SERGEF: variants seen among roughly 807,000 people sequenced by gnomAD.
The protein encoded by SERGEF is secretion regulating guanine nucleotide exchange factor, also known as secretion-regulating guanine nucleotide exchange factor.
Under a neutral mutation model 50.0 loss-of-function variants are expected in SERGEF, and 51 were observed. That is an observed-to-expected ratio of 1.02 (90% confidence interval 0.81 to 1.29). The LOEUF (loss-of-function observed/expected upper bound fraction) is 1.29, where lower values mean the gene tolerates loss of function less well. SERGEF is among the 50% of genes most tolerant of loss of function. The pLI, the probability that SERGEF is intolerant of heterozygous loss-of-function variation, is 0.00. For missense variants in SERGEF, 521 were observed against 557.0 expected (o/e 0.94, Z 0.65); for synonymous variants, 205 against 212.4 (o/e 0.97, Z 0.30).
At chr11:17,866,516 T>G (rs963975613) in intron 10 of SERGEF, among the ~76,000 whole-genome samples, 1 of 152,100 alleles carries the variant, frequency 6.6e-6, no homozygotes, top group African/African-American at 2.4e-5. Context: ...ATCCCCCCTT[T>G]TTGAGAGAGA....
chr11:17,951,847 G>A (rs190114712), intron 9 of SERGEF, among the ~76,000 whole-genome samples: 4 of 152,168 alleles, frequency 2.6e-5, no homozygotes, highest in Non-Finnish European at 5.9e-5. Flanking sequence ...TGCCCTTCCC[G>A]CCACTCAGGG....
At chr11:17,899,465 T>A (rs1851704536) in intron 9 of SERGEF, among the ~76,000 whole-genome samples, 2 of 152,198 alleles carry the variant, frequency 1.3e-5, no homozygotes, top group African/African-American at 4.8e-5. Flanking sequence ...ATAATAAAAC[T>A]AAGGCTTAGA....
chr11:17,851,895 C>G (rs1214020988), intron 10 of SERGEF, among the ~76,000 whole-genome samples: 1 of 152,164 alleles, frequency 6.6e-6, no homozygotes, highest in Non-Finnish European at 1.5e-5. Flanking sequence ...TGAAGGGACA[C>G]AAGGAAGAAC....
chr11:17,847,629 G>T (rs1377518226), intron 10 of SERGEF, among the ~76,000 whole-genome samples: 2 of 152,190 alleles, frequency 1.3e-5, no homozygotes, highest in Non-Finnish European at 1.5e-5. Flanking sequence ...CCATTGTATG[G>T]CCTGTTGCTC....
intron 8 of SERGEF, among the ~76,000 whole-genome samples, chr11:17,962,126 C>T (rs1396040497): frequency 6.6e-6 from 1 of 152,200 alleles, no homozygotes; most frequent in African/African-American, 2.4e-5. Context: ...GATTGCACAG[C>T]TGCTGTCCCA....
chr11:17,839,783 C>A (rs1298467380), intron 10 of SERGEF, among the ~76,000 whole-genome samples: 1 of 152,190 alleles, frequency 6.6e-6, no homozygotes, highest in African/African-American at 2.4e-5. Flanking sequence ...GGCTCCTGGA[C>A]TTAACTCATT....
At chr11:17,912,326 A>C (rs1425937504) in intron 9 of SERGEF, among the ~76,000 whole-genome samples, 1 of 152,236 alleles carries the variant, frequency 6.6e-6, no homozygotes, top group Non-Finnish European at 1.5e-5. Context: ...AAACAAACTC[A>C]GAAATGATAT....
rs117550288 is a variant in SERGEF, at chr11:17,986,094, C to T, written c.844+2503G>A. Among the ~76,000 whole-genome samples, 790 of 152,274 alleles carry T rather than the reference C, an allele frequency of 5.2e-3. 3 individuals carry two copies. Among genetic ancestry groups the T allele is most frequent in the Non-Finnish European group, 8.3e-3 (564 of 68,032 alleles). On this transcript the variant is annotated intron_variant, in intron 8 of 10. Transcript: ENST00000265965. ...GTTCATTCCAGGAACAATTCACCAC[C>T]GGAGCTTGTGAAAACAACTACAGTC...
chr11:17,944,584 T>C (rs1852620353), intron 9 of SERGEF, among the ~76,000 whole-genome samples: 1 of 152,196 alleles, frequency 6.6e-6, no homozygotes, highest in Non-Finnish European at 1.5e-5. Context: ...CTCCATTTCC[T>C]TCAGGTAGTT....
intron 9 of SERGEF, among the ~76,000 whole-genome samples, chr11:17,904,380 A>G (rs961660160): frequency 6.6e-5 from 10 of 152,254 alleles, no homozygotes; most frequent in African/African-American, 2.4e-4. Context: ...TCCTGGAAAG[A>G]CTACCCAGCC....
Position 17,871,955 on chromosome 11 carries a change from A to G in SERGEF, c.1048+6253T>C, listed in dbSNP as rs182930480. Among the ~76,000 whole-genome samples, 6 of 152,344 alleles carry G rather than the reference A, an allele frequency of 3.9e-5. No individual in the cohort carries two copies. The East Asian group carries it at 1.2e-3, about 29-fold the overall frequency. On this transcript the variant is annotated intron_variant, in intron 10 of 10. Coordinates refer to ENST00000265965, the MANE Select transcript of SERGEF (RefSeq NM_012139.4). ...CCAAGAGAAATAAATGCACATATCT[A>G]TCAAAAGGCGTGTATAAGAATGTAC...
chr11:17,819,132 T>C (rs1316655405), intron 10 of SERGEF, among the ~76,000 whole-genome samples: 1 of 152,242 alleles, frequency 6.6e-6, no homozygotes, highest in East Asian at 1.9e-4. Flanking sequence ...GTCTGAAGAC[T>C]CCTTTTTAAT....
Position 17,916,946 on chromosome 11 carries a change from G to A in SERGEF, c.1012-38702C>T, listed in dbSNP as rs938830522. On this transcript the variant is annotated intron_variant, in intron 9 of 10. Transcript: ENST00000265965. ...TTTGAATACGGATGCAGTGAACAGG[G>A]AACACTTGTACACTGTTGGTGGGAA... Among the ~76,000 whole-genome samples the A allele has an allele frequency of 3.9e-5, 6 of 152,334 alleles. 1 individual carries two copies. In the South Asian group the frequency reaches 1.2e-3, roughly 32 times the overall value.
At chr11:17,956,625 C>T (rs1852878265) in intron 9 of SERGEF, among the ~76,000 whole-genome samples, 1 of 152,126 alleles carries the variant, frequency 6.6e-6, no homozygotes, top group Non-Finnish European at 1.5e-5. Flanking sequence ...CCTGTGTTTT[C>T]CTCTCCTGCT....
intron 9 of SERGEF, among the ~76,000 whole-genome samples, chr11:17,917,753 G>T (rs753238500): frequency 6.6e-6 from 1 of 152,154 alleles, no homozygotes; most frequent in Non-Finnish European, 1.5e-5. Context: ...TATGGTCTCC[G>T]TATCAGCAGC....
chr11:17,852,195 G>T (rs1424272098), intron 10 of SERGEF, among the ~76,000 whole-genome samples: 1 of 152,154 alleles, frequency 6.6e-6, no homozygotes, highest in Non-Finnish European at 1.5e-5. Context: ...GGCCCAGTTA[G>T]GTAAGATGAC....
At chr11:17,848,266 C>T (rs1332149308) in intron 10 of SERGEF, among the ~76,000 whole-genome samples, 2 of 152,054 alleles carry the variant, frequency 1.3e-5, no homozygotes, top group Non-Finnish European at 2.9e-5. Context: ...ACTGATTCCA[C>T]CTAGGAAGTC....
chr11:17,961,173 G>T (rs1056250139), intron 8 of SERGEF, among the ~76,000 whole-genome samples: 1 of 152,142 alleles, frequency 6.6e-6, no homozygotes, highest in Admixed American at 6.5e-5. Flanking sequence ...CTAGCCCAGG[G>T]TCACACAGCT....
chr11:17,831,441 C>A (rs1327283619), intron 10 of SERGEF, among the ~76,000 whole-genome samples: 3 of 152,110 alleles, frequency 2.0e-5, no homozygotes, highest in Admixed American at 6.5e-5. Context: ...TTTCATGGGG[C>A]CTGGTGGCAA....
Sources: gnomAD v4.1 joint callset for allele counts (sites outside exome capture counted in the v4.1 genomes callset) on GRCh38, gnomAD v4.1.1 for gene constraint, MANE v1.5 for transcripts, NCBI Gene and HGNC (gene_info 2026-07-23, HGNC 2026-07-21) for gene names.